KCNN1: variants seen among roughly 807,000 people sequenced by gnomAD.
KCNN1 encodes potassium calcium-activated channel subfamily N member 1, also known as small conductance calcium-activated potassium channel protein 1.
Under a neutral mutation model 44.7 loss-of-function variants are expected in KCNN1, and 20 were observed. That is an observed-to-expected ratio of 0.45 (90% CI 0.32 to 0.65). The LOEUF (loss-of-function observed/expected upper bound fraction) is 0.65. Among genes scored for constraint, KCNN1 ranks in the 30% least tolerant of loss-of-function variants. KCNN1 has a pLI of 0.05. For synonymous variants in KCNN1, 324 were observed against 341.7 expected (o/e 0.95, Z 0.57); for missense variants, 632 against 785.3 (o/e 0.80, Z 2.33).
chr19:17,990,027 T>G (rs1301716585), intron 7 of KCNN1, 184 bp downstream of exon 7: 1 of 771,336 alleles, frequency 1.3e-6, no homozygotes, highest in African/African-American at 1.7e-5. Context: ...TGGGGTCTGC[T>G]AAATCATGGA....
In KCNN1 at chr19:17,998,002, C is replaced by T. The variant is rs1019861982; in HGVS notation, c.1378-150C>T. On this transcript the variant is annotated intron_variant, in intron 9 of 9. Coordinates refer to ENST00000684775, the MANE Select transcript of KCNN1 (RefSeq NM_001386974.1). The surrounding 1 kb of genome is among the most constrained non-coding windows in gnomAD (Gnocchi z 5.4). The stretch of plus-strand genomic sequence containing the variant: ...AAGGGACCTCTGGGGCTGGGGGTAT[C>T]CTCCCAGCCACCCCTCACACGGGCC... 5 of 812,766 alleles carry T rather than the reference C, an allele frequency of 6.2e-6. No homozygotes were observed. The highest frequency in any genetic ancestry group is 1.8e-5 in the African/African-American group (1 of 56,370). The allele number at this position is 812,766 out of a possible 1,614,324, so 50.3% of individuals were successfully genotyped here. A position where few individuals can be genotyped will look rare whatever the true frequency, so the allele number is the denominator to read the frequency against.
At position 17,982,019 on chromosome 19, in the gene KCNN1, C is replaced by T. The variant is rs1486296801; in HGVS notation, c.809C>T (p.Thr270Met). The change falls in exon 4 of 10, where the codon ACG (threonine) becomes ATG (methionine). Residue 270 changes from threonine to methionine, a missense_variant. This residue lies in a region of KCNN1 where 160 missense variants were observed against 308.3 expected (regional missense o/e 0.52). Coordinates refer to ENST00000684775, the MANE Select transcript of KCNN1 (RefSeq NM_001386974.1). Reference protein sequence around the residue: ...IGALNKITFNTRFVMKTLMTI... With the variant: ...IGALNKITFNMRFVMKTLMTI... ...GCCCTCAACAAGATCACCTTCAACA[C>T]GCGCTTCGTCATGAAGACACTCATG... The T allele has an allele frequency of 6.2e-7, 1 of 1,610,100 alleles. No individual in the cohort carries two copies. The highest frequency in any genetic ancestry group is 2.2e-5 in the East Asian group (1 of 44,736).
chr19:17,981,993 G>T lies in KCNN1; in HGVS notation c.783G>T (p.Gly261=). 6.2e-7 allele frequency: 1 copy of T among 1,611,000 alleles called. No homozygotes were observed. The highest frequency in any genetic ancestry group is 8.5e-7 in the Non-Finnish European group (1 of 1,178,780). The stretch of plus-strand genomic sequence containing the variant: ...CGGACGCCTCGAGCCGCAGCATCGG[G>T]GCCCTCAACAAGATCACCTTCAACA... ...IFTDASSRSI[G]ALNKITFNTR... is the part of the protein sequence containing the mutation. Residue 261 remains glycine (G), a synonymous_variant, in exon 4 of 10, where the codon GGG becomes GGT. Coordinates refer to ENST00000684775, the MANE Select transcript of KCNN1 (RefSeq NM_001386974.1).
rs1341718554 is a variant in KCNN1, at chr19:17,974,105, G to A, written c.217G>A (p.Glu73Lys). 6 of 1,612,292 alleles carry A rather than the reference G, an allele frequency of 3.7e-6. No individual in the cohort carries two copies. Among genetic ancestry groups the A allele is most frequent in the Non-Finnish European group, 5.1e-6 (6 of 1,179,834 alleles). ...GGACCAGGACGATGACGAGGATGAT[G>A]AGGAAGATGAGGCCGGCAGGCAGAG... ...PQDQDDDEDD[E>K]EDEAGRQRAS... The change falls in exon 2 of 10, where the codon GAG (glutamate) becomes AAG (lysine). Residue 73 changes from glutamate (E) to lysine (K), a missense_variant. Glu to Lys is a moderately conservative substitution (Grantham distance 56, BLOSUM62 1). Transcript: ENST00000684775. The surrounding 1 kb of genome is among the most constrained non-coding windows in gnomAD (Gnocchi z 7.3).
intron 1 of KCNN1, among the ~76,000 whole-genome samples, chr19:17,971,484 C>A (rs886834761): frequency 2.0e-5 from 3 of 151,008 alleles, no homozygotes; most frequent in Non-Finnish European, 3.0e-5. Context: ...TTTTTTGAGA[C>A]GGAGTTTTGC....
At chr19:17,988,393 G>A (rs2032675814) in intron 5 of KCNN1, 22 bp from the exon 6 acceptor site, 4 of 1,595,168 alleles carry the variant, frequency 2.5e-6, no homozygotes, top group Non-Finnish European at 2.6e-6. Flanking sequence ...ACGCTGATGT[G>A]CCCCCTCTGC....
At chr19:17,982,844 C>A (rs1231970433) in intron 4 of KCNN1, among the ~76,000 whole-genome samples, 1 of 152,054 alleles carries the variant, frequency 6.6e-6, no homozygotes, top group African/African-American at 2.4e-5. Context: ...GGGCAGCTGA[C>A]CCCTGGGAGC....
intron 2 of KCNN1, among the ~76,000 whole-genome samples, chr19:17,957,178 G>T: frequency 8.0e-6 from 1 of 124,290 alleles, no homozygotes; most frequent in East Asian, 2.6e-4. Flanking sequence ...GGAGAGGGGA[G>T]GAGAGGAGAG....
chr19:17,973,029 T>G (rs1326277939), intron 1 of KCNN1, among the ~76,000 whole-genome samples: 1 of 152,184 alleles, frequency 6.6e-6, no homozygotes, highest in Non-Finnish European at 1.5e-5. Context: ...GAGACCATTG[T>G]GGCTGGAGGA....
Position 17,988,491 on chromosome 19 carries a change from A to G in KCNN1, c.1136A>G (p.His379Arg). The change falls in exon 6 of 10, where the codon CAC becomes CGC. Residue 379 changes from histidine (H) to arginine (R), a missense_variant. Coordinates refer to ENST00000684775, the MANE Select transcript of KCNN1 (RefSeq NM_001386974.1). Reference sequence around the variant, plus strand: ...CTCACCAAGGCTGAGAAGCACGTGCACAACTTCATGATGGACACTCAGCTC... The same window carrying G: ...CTCACCAAGGCTGAGAAGCACGTGCGCAACTTCATGATGGACACTCAGCTC... ...LELTKAEKHV[H>R]NFMMDTQLTK... 2 of 1,613,924 alleles carry G rather than the reference A, an allele frequency of 1.2e-6. No homozygotes were observed. The highest frequency in any genetic ancestry group is 1.7e-6 in the Non-Finnish European group (2 of 1,179,918).
rs2033057330 is a variant in KCNN1, at chr19:17,998,020, C to CA, written c.1378-131dup. 9.9e-7 allele frequency: 1 copy of CA among 1,006,194 alleles called. No homozygotes were observed. Among genetic ancestry groups the CA allele is most frequent in the Non-Finnish European group, 1.4e-6 (1 of 721,958 alleles). 62.3% of individuals were successfully genotyped at this position (1,006,194 alleles called of 1,614,324 possible). On this transcript the variant is annotated intron_variant, in intron 9 of 9. Transcript: ENST00000684775. This position sits in a 1 kb window ranked among gnomAD's most constrained non-coding sequence, Gnocchi z 5.4. ...GGGGTATCCTCCCAGCCACCCCTCA[C>CA]ACGGGCCCCATTAGTGGCTGGCACC...
At chr19:17,976,012 C>T (rs559239360) in intron 3 of KCNN1, among the ~76,000 whole-genome samples, 3 of 152,218 alleles carry the variant, frequency 2.0e-5, no homozygotes, top group South Asian at 4.1e-4. Flanking sequence ...CGGCTGCACA[C>T]GCATGTTGAT....
At chr19:17,956,047 C>T (rs565843605) in intron 2 of KCNN1, among the ~76,000 whole-genome samples, 4 of 152,290 alleles carry the variant, frequency 2.6e-5, no homozygotes, top group East Asian at 3.9e-4. Context: ...AAGCGATTCT[C>T]CTGCTTCAGC....
At chr19:17,985,498 G>A (rs1173120696) in intron 5 of KCNN1, 45 bp downstream of exon 5, 3 of 1,493,718 alleles carry the variant, frequency 2.0e-6, no homozygotes, top group Admixed American at 2.0e-5. Context: ...GGTCCAGCCA[G>A]CTGCCCGCTC....
intron 7 of KCNN1, 61 bp downstream of exon 7, chr19:17,989,904 G>T: frequency 6.2e-7 from 1 of 1,609,842 alleles, no homozygotes. Context: ...GGCAGCCCTC[G>T]CAGCTCTGTG....
At chr19:17,988,870 C>T (rs917282568) in intron 6 of KCNN1, among the ~76,000 whole-genome samples, 11 of 151,592 alleles carry the variant, frequency 7.3e-5, no homozygotes, top group African/African-American at 2.2e-4. Context: ...AAGATGGCAC[C>T]ACTGCACTCG....
At chr19:17,959,618 G>C (rs1223057209) in intron 2 of KCNN1, among the ~76,000 whole-genome samples, 1 of 152,190 alleles carries the variant, frequency 6.6e-6, no homozygotes, top group South Asian at 2.1e-4. Context: ...GCCCAGGCTG[G>C]TCTTGAATCC....
Position 17,974,010 on chromosome 19 carries a change from G to T in KCNN1, c.122G>T (p.Gly41Val). ...CCCCCACAACCCCCGCACAGCCCGG[G>T]CCTCCAGGTGGTAGTGGCCAAGAGT... The part of the protein sequence containing the change: ...GHPPQPPHSP[G>V]LQVVVAKSEP... The change falls in exon 2 of 10, where the codon GGC (glycine) becomes GTC (valine). Residue 41 changes from glycine to valine, a missense_variant. Gly to Val is a moderately radical substitution (Grantham distance 109). Around this residue, in one of 3 missense-constraint regions of KCNN1, gnomAD observed 235 missense variants for 224.0 expected, o/e 1.05. Transcript: ENST00000684775. The surrounding 1 kb of genome is among the most constrained non-coding windows in gnomAD (Gnocchi z 7.3). 6.3e-7 allele frequency: 1 copy of T among 1,598,770 alleles called. No individual in the cohort carries two copies. Among genetic ancestry groups the T allele is most frequent in the Non-Finnish European group, 8.5e-7 (1 of 1,174,042 alleles).
intron 1 of KCNN1, among the ~76,000 whole-genome samples, chr19:17,951,944 C>A (rs1248401661): frequency 6.6e-6 from 1 of 152,270 alleles, no homozygotes; most frequent in Non-Finnish European, 1.5e-5. Context: ...GCCTCAGTTT[C>A]CCCGTCTGTA....
Sources: gnomAD v4.1 joint callset for allele counts (sites outside exome capture counted in the v4.1 genomes callset) on GRCh38, gnomAD v4.1.1 for gene constraint, gnomAD v4.1.1 regional missense constraint, Gnocchi (gnomAD v3.1) non-coding constraint, MANE v1.5 for transcripts, NCBI Gene and HGNC (gene_info 2026-07-23, HGNC 2026-07-21) for gene names.